The following PRSS23 variants were observed in gnomAD, a reference collection of about 807,000 sequenced individuals.
PRSS23 encodes serine protease 23.
Under a neutral mutation model 34.7 loss-of-function variants are expected in PRSS23, and 25 were observed. That is an observed-to-expected ratio of 0.72 (90% CI 0.53 to 1.01). The LOEUF (loss-of-function observed/expected upper bound fraction) is 1.01, where lower values mean the gene tolerates loss of function less well. Ranked by LOEUF, PRSS23 falls within the 50% of genes least tolerant of loss-of-function variation. PRSS23 has a pLI of 0.00. For missense variants in PRSS23, 445 were observed against 475.6 expected, an observed-to-expected ratio of 0.94 and a Z score of 0.60; for synonymous variants, 176 against 186.6, an observed-to-expected ratio of 0.94 and a Z score of 0.46.
chr11:86,888,802 GCA>G (rs1231218982), intron 2 of PRSS23, among the ~76,000 whole-genome samples: 2 of 152,224 alleles, frequency 1.3e-5, no homozygotes, highest in African/African-American at 2.4e-5. Flanking sequence ...CATGCTGATA[GCA>G]CAGTTACCAA....
chr11:86,880,456 A>T (rs111993650), intron 2 of PRSS23, among the ~76,000 whole-genome samples: 5,627 of 151,510 alleles, frequency 0.037, 142 homozygotes, highest in Middle Eastern at 0.12. Flanking sequence ...AAAAATAAAA[A>T]AAATAAAAAG....
chr11:86,850,250 T>G (rs1393507913), intron 2 of PRSS23, among the ~76,000 whole-genome samples: 1 of 152,092 alleles, frequency 6.6e-6, no homozygotes, highest in Non-Finnish European at 1.5e-5. Flanking sequence ...TGGCTTCTAG[T>G]GAGAAACCCT....
rs184644722 is a variant in PRSS23 at position 86,906,797 on chromosome 11, T to C, written c.207-44419T>C. 4.1e-3 allele frequency among the ~76,000 whole-genome samples: 627 copies of C among 152,142 alleles called. 3 individuals carry two copies. Among genetic ancestry groups the C allele is most frequent in the African/African-American group, 0.015 (607 of 41,482 alleles). On this transcript the variant is annotated intron_variant, in intron 2 of 2. Coordinates refer to the PRSS23 transcript ENST00000533902. ...TGCTAGGCCCTGTGAACATTTTAGG[T>C]ACGTTATTTCATTCATTCTTCTCAG...
At chr11:86,938,309 G>A (rs996828498) in intron 2 of PRSS23, among the ~76,000 whole-genome samples, 2 of 152,222 alleles carry the variant, frequency 1.3e-5, no homozygotes, top group African/African-American at 2.4e-5. Flanking sequence ...CTAAAGGAAG[G>A]TGCTACAGGC....
intron 2 of PRSS23, among the ~76,000 whole-genome samples, chr11:86,836,057 A>G (rs1948402789): frequency 6.6e-6 from 1 of 152,140 alleles, no homozygotes; most frequent in African/African-American, 2.4e-5. Context: ...ACAGGGATGC[A>G]GAAAAAGTCA....
intron 2 of PRSS23, chr11:86,939,219 G>A (rs1949184666): frequency 7.0e-6 from 2 of 283,690 alleles, no homozygotes; most frequent in South Asian, 3.1e-5. Flanking sequence ...TTTCTCCCAA[G>A]CAAACACATA....
intron 2 of PRSS23, among the ~76,000 whole-genome samples, chr11:86,883,706 G>T (rs907201490): frequency 6.6e-6 from 1 of 152,102 alleles, no homozygotes; most frequent in Non-Finnish European, 1.5e-5. Flanking sequence ...TTAAATATAC[G>T]TGTTTACCTC....
exon 3 of PRSS23, chr11:86,951,959 C>A: frequency 6.2e-7 from 1 of 1,613,916 alleles, no homozygotes; most frequent in Non-Finnish European, 8.5e-7. Flanking sequence ...ATAAGCAATG[C>A]TATAAATATT....
chr11:86,896,179 G>C (rs1011711990), intron 2 of PRSS23, among the ~76,000 whole-genome samples: 4 of 152,048 alleles, frequency 2.6e-5, no homozygotes, highest in African/African-American at 9.7e-5. Flanking sequence ...TGTAATTACA[G>C]GGCAGATATT....
intron 2 of PRSS23, chr11:86,910,906 T>C (rs1948972863): frequency 6.6e-6 from 1 of 152,214 alleles, no homozygotes; most frequent in African/African-American, 2.4e-5. Flanking sequence ...GGATAGTCAA[T>C]GGCACAAAAT....
At chr11:86,927,602 C>T (rs1199796916) in intron 2 of PRSS23, among the ~76,000 whole-genome samples, 1 of 152,156 alleles carries the variant, frequency 6.6e-6, no homozygotes, top group Non-Finnish European at 1.5e-5. Flanking sequence ...CCACCTTGAC[C>T]TCCCAATGTG....
chr11:86,824,341 A>AAAATG (rs1319802971), intron 2 of PRSS23, among the ~76,000 whole-genome samples: 1 of 146,866 alleles, frequency 6.8e-6, no homozygotes, highest in Non-Finnish European at 1.5e-5. Context: ...AAAATAAAAT[A>AAAATG]AAATAAAATA....
intron 2 of PRSS23, among the ~76,000 whole-genome samples, chr11:86,877,487 C>G (rs1412473311): frequency 6.6e-6 from 1 of 151,886 alleles, no homozygotes; most frequent in Non-Finnish European, 1.5e-5. Flanking sequence ...GAGGCTTTTT[C>G]TATTTTGAAT....
At chr11:86,839,505 G>A (rs575595472) in intron 2 of PRSS23, among the ~76,000 whole-genome samples, 1 of 152,224 alleles carries the variant, frequency 6.6e-6, no homozygotes, top group African/African-American at 2.4e-5. Context: ...TAGGGAGAAT[G>A]GAACCAAGTT....
intron 2 of PRSS23, among the ~76,000 whole-genome samples, chr11:86,835,780 A>C (rs537601571): frequency 9.1e-4 from 139 of 152,138 alleles, no homozygotes; most frequent in South Asian, 3.7e-3. Context: ...TGGTTTGGAA[A>C]CCTTGTAGCC....
chr11:86,883,477 A>T (rs369767350), intron 2 of PRSS23, among the ~76,000 whole-genome samples: 1 of 152,200 alleles, frequency 6.6e-6, no homozygotes. Context: ...TCTTTACACT[A>T]TATACAAAAA....
At chr11:86,910,752 A>G (rs905761289) in intron 2 of PRSS23, 25 of 152,130 alleles carry the variant, frequency 1.6e-4, no homozygotes, top group African/African-American at 5.8e-4. Flanking sequence ...CGTTGGTTCT[A>G]TGACAATACT....
At chr11:86,906,792 T>C (rs1263123672) in intron 2 of PRSS23, among the ~76,000 whole-genome samples, 1 of 152,042 alleles carries the variant, frequency 6.6e-6, no homozygotes, top group East Asian at 1.9e-4. Flanking sequence ...TGTGAACATT[T>C]TAGGTACGTT....
At chr11:86,848,728 A>T (rs1051553689) in intron 2 of PRSS23, among the ~76,000 whole-genome samples, 2 of 152,166 alleles carry the variant, frequency 1.3e-5, no homozygotes, top group Non-Finnish European at 2.9e-5. Context: ...GGCATTATTA[A>T]ACCTGCCAAC....
Sources: gnomAD v4.1 joint callset for allele counts (sites outside exome capture counted in the v4.1 genomes callset) on GRCh38, gnomAD v4.1.1 for gene constraint, MANE v1.5 for transcripts, NCBI Gene and HGNC (gene_info 2026-07-23, HGNC 2026-07-21) for gene names.